SLC35A5: variants seen among roughly 807,000 people sequenced by gnomAD.
SLC35A5 encodes UDP-sugar transporter protein SLC35A5.
Under a neutral mutation model 36.3 loss-of-function variants are expected in SLC35A5, and 28 were observed. That is an observed-to-expected ratio of 0.77 (90% CI 0.57 to 1.06). SLC35A5 has a LOEUF of 1.06. Ranked by LOEUF, SLC35A5 falls within the 50% of genes least tolerant of loss-of-function variation. SLC35A5 has a pLI of 0.00. For missense variants in SLC35A5, 521 were observed against 499.3 expected (o/e 1.04, Z -0.41); for synonymous variants, 180 against 173.7 (o/e 1.04, Z -0.29).
At chr3:112,580,514 G>A in intron 5 of SLC35A5, 32 bp from the exon 6 acceptor site, 1 of 1,555,342 alleles carries the variant, frequency 6.4e-7, no homozygotes, top group Non-Finnish European at 8.7e-7. Context: ...GGGGAAAACA[G>A]TAGTAAAATC....
chr3:112,577,319 T>C (rs553100233), intron 5 of SLC35A5, among the ~76,000 whole-genome samples: 26 of 152,310 alleles, frequency 1.7e-4, no homozygotes, highest in African/African-American at 6.0e-4. Flanking sequence ...TTCCAAGGAT[T>C]CAAACTTTAT....
chr3:112,575,759 T>C (rs1477600695), intron 5 of SLC35A5, among the ~76,000 whole-genome samples: 2 of 91,858 alleles, frequency 2.2e-5, no homozygotes, highest in African/African-American at 2.1e-4. Flanking sequence ...ATTTTATTAC[T>C]TTTTTTTTTT....
intron 1 of SLC35A5, 126 bp downstream of exon 1, chr3:112,562,399 T>TGG (rs1439740233): frequency 2.0e-5 from 3 of 152,372 alleles, no homozygotes; most frequent in Non-Finnish European, 2.9e-5. Context: ...TCTGGCCCCC[T>TGG]CCTGTCGGGG....
Position 112,580,646 on chromosome 3 carries a change from G to C in SLC35A5, c.529G>C (p.Gly177Arg), listed in dbSNP as rs746986429. The stretch of plus-strand genomic sequence containing the variant: ...TAAAACTTTACAGCACAACTTGGCA[G>C]GACGTGGATTTCATCACGATGCCTT... ...GTKTLQHNLA[G>R]RGFHHDAFFS... The change falls in exon 6 of 7, where the codon GGA becomes CGA. Residue 177 changes from glycine to arginine, a missense_variant. Coordinates refer to ENST00000492406, the MANE Select transcript of SLC35A5 (RefSeq NM_017945.5). 3.1e-6 allele frequency: 5 copies of C among 1,614,132 alleles called. No individual in the cohort carries two copies. The Admixed American group carries it at 8.3e-5, about 27-fold the overall frequency.
Position 112,583,117 on chromosome 3 carries a change from TAC to T in SLC35A5, c.*383_*384del, listed in dbSNP as rs930333910. 191 of 399,238 alleles carry T rather than the reference TAC, an allele frequency of 4.8e-4. No individual in the cohort carries two copies. The highest frequency in any genetic ancestry group is 3.5e-3 in the African/African-American group (172 of 48,738). The allele number at this position is 399,238 out of a possible 1,614,324, so 24.7% of individuals were successfully genotyped here. On this transcript the variant is annotated 3_prime_UTR_variant, in exon 7 of 7. Transcript: ENST00000492406. Reference sequence around the variant, plus strand: ...TATTCACAATCATGTAGTTCTAGTTTACATGCCAAAGTCTTCCCTTTTTAACA... The same window carrying T: ...TATTCACAATCATGTAGTTCTAGTTTATGCCAAAGTCTTCCCTTTTTAACA...
At chr3:112,567,773 G>A (rs2933135) in intron 2 of SLC35A5, among the ~76,000 whole-genome samples, 24,379 of 152,204 alleles carry the variant, frequency 0.16, 4,604 homozygotes, top group African/African-American at 0.45. Flanking sequence ...GGGATCGGCC[G>A]TGAAAGGACT....
chr3:112,571,829 C>T (rs1934451629), intron 4 of SLC35A5, among the ~76,000 whole-genome samples: 1 of 151,338 alleles, frequency 6.6e-6, no homozygotes, highest in South Asian at 2.1e-4. Flanking sequence ...TGGCCCTTGA[C>T]ATATGGGGAT....
upstream of SLC35A5, chr3:112,561,750 C>G: frequency 1.9e-6 from 1 of 538,922 alleles, no homozygotes. Context: ...GCACCCCAGG[C>G]AGCCCGCGAC....
At chr3:112,567,982 T>C (rs1934273537) in intron 2 of SLC35A5, among the ~76,000 whole-genome samples, 1 of 152,234 alleles carries the variant, frequency 6.6e-6, no homozygotes, top group Non-Finnish European at 1.5e-5. Flanking sequence ...GTTTTGACTA[T>C]GCTTTGAATG....
Position 112,566,154 on chromosome 3 carries a change from TAAC to T in SLC35A5, c.130+2623_130+2625del, listed in dbSNP as rs200660675. On this transcript the variant is annotated intron_variant, in intron 2 of 6. Coordinates refer to ENST00000492406, the MANE Select transcript of SLC35A5 (RefSeq NM_017945.5). ...TATTGAATATGAAAATTAAAAAAGA[TAAC>T]ATATAGCTCCAAGGTTTCTGGTTTG... Among the ~76,000 whole-genome samples the T allele has an allele frequency of 4.7e-3, 715 of 152,350 alleles. 4 individuals carry two copies. Among genetic ancestry groups the T allele is most frequent in the African/African-American group, 0.016 (670 of 41,582 alleles).
rs114245569 is a variant in SLC35A5, at chr3:112,583,459, G to A, written c.*723G>A. ...ATTTTAAGTCATTTAAACAAGCCAC[G>A]GTGGGGCTTTTTTCTCCTCAGTTTG... On this transcript the variant is annotated 3_prime_UTR_variant, in exon 7 of 7. Coordinates refer to ENST00000492406, the MANE Select transcript of SLC35A5 (RefSeq NM_017945.5). 1,327 of 232,940 alleles carry A rather than the reference G, an allele frequency of 5.7e-3. 3 individuals carry two copies. The highest frequency in any genetic ancestry group is 0.013 in the Middle Eastern group (10 of 758). 14.4% of individuals were successfully genotyped at this position (232,940 alleles called of 1,614,324 possible).
upstream of SLC35A5, chr3:112,561,345 A>G: frequency 1.8e-6 from 2 of 1,114,798 alleles, no homozygotes; most frequent in East Asian, 2.5e-5. Flanking sequence ...CTCGAGCCCT[A>G]CTGCCTTCCT....
intron 2 of SLC35A5, among the ~76,000 whole-genome samples, chr3:112,567,182 C>T (rs529364284): frequency 1.3e-5 from 2 of 150,928 alleles, no homozygotes; most frequent in Non-Finnish European, 3.0e-5. Context: ...GCTGAGATCA[C>T]GCCATTGCAC....
chr3:112,582,823 C>G lies in SLC35A5; in HGVS notation c.*87C>G. 8.7e-7 allele frequency: 1 copy of G among 1,148,390 alleles called. No homozygotes were observed. The highest frequency in any genetic ancestry group is 1.3e-6 in the Non-Finnish European group (1 of 776,312). 71.1% of individuals were successfully genotyped at this position (1,148,390 alleles called of 1,614,324 possible). A position where few individuals can be genotyped will look rare whatever the true frequency, so the allele number is the denominator to read the frequency against. On this transcript the variant is annotated 3_prime_UTR_variant, in exon 7 of 7. Transcript: ENST00000492406. The stretch of plus-strand genomic sequence containing the variant: ...TATTTATCTTTTCACTTTGATAAAC[C>G]AGAAATGTTTCTAAATCCTAATATT...
intron 5 of SLC35A5, among the ~76,000 whole-genome samples, chr3:112,578,403 G>A (rs3821684): frequency 0.067 from 10,191 of 152,244 alleles, 427 homozygotes; most frequent in Admixed American, 0.12. Context: ...AATTCACTTG[G>A]GAGGAGAGGC....
intron 3 of SLC35A5, 109 bp from the exon 4 acceptor site, chr3:112,570,431 G>T: frequency 7.9e-7 from 1 of 1,270,900 alleles, no homozygotes. Flanking sequence ...ATGGAGGCAC[G>T]TTTATAAAGC....
chr3:112,573,807 T>G, intron 4 of SLC35A5, 82 bp from the exon 5 acceptor site: 3 of 1,156,894 alleles, frequency 2.6e-6, no homozygotes. Context: ...AAGCTTTTTT[T>G]GTCAGGTGAA....
At chr3:112,572,346 G>A (rs1934486968) in intron 4 of SLC35A5, among the ~76,000 whole-genome samples, 1 of 151,860 alleles carries the variant, frequency 6.6e-6, no homozygotes, top group Non-Finnish European at 1.5e-5. Flanking sequence ...TAATATACTA[G>A]TTCAAAGGCA....
chr3:112,564,745 G>A (rs550570925), intron 2 of SLC35A5, among the ~76,000 whole-genome samples: 155 of 152,254 alleles, frequency 1.0e-3, no homozygotes, highest in African/African-American at 3.5e-3. Flanking sequence ...AGGTCGCTGC[G>A]GCTTTCCACA....
Sources: gnomAD v4.1 joint callset for allele counts (sites outside exome capture counted in the v4.1 genomes callset) on GRCh38, gnomAD v4.1.1 for gene constraint, MANE v1.5 for transcripts, NCBI Gene and HGNC (gene_info 2026-07-23, HGNC 2026-07-21) for gene names.